GALC: variants seen among roughly 807,000 people sequenced by gnomAD.
GALC encodes galactocerebrosidase.
A neutral mutation model predicts 91.8 loss-of-function variants in GALC; 77 were observed. The ratio of observed to expected loss-of-function variants is 0.84; its 90% confidence interval spans 0.70 to 1.01. GALC has a LOEUF of 1.01. GALC is among the 50% of genes least tolerant of loss of function. GALC has a pLI of 0.00. For synonymous variants in GALC, 357 were observed against 306.7 expected (o/e 1.16, Z -1.71); for missense variants, 882 against 855.9 (o/e 1.03, Z -0.38).
At chr14:87,962,010 G>A (rs920129957) in intron 10 of GALC, among the ~76,000 whole-genome samples, 3 of 152,096 alleles carry the variant, frequency 2.0e-5, no homozygotes, top group Non-Finnish European at 4.4e-5. Context: ...CCTTCCCAGG[G>A]TCAGCTATTG....
chr14:87,961,998 T>A (rs1046118657), intron 10 of GALC, among the ~76,000 whole-genome samples: 3 of 152,206 alleles, frequency 2.0e-5, no homozygotes, highest in African/African-American at 7.2e-5. Flanking sequence ...TGTAGATCCC[T>A]TCCTTCCCAG....
Position 87,968,564 on chromosome 14 carries a change from G to A in GALC, c.753-74C>T, listed in dbSNP as rs180752455. 171 of 1,409,664 alleles carry A rather than the reference G, an allele frequency of 1.2e-4. No individual in the cohort carries two copies. In the African/African-American group the frequency reaches 2.0e-3, roughly 17 times the overall value. The allele number at this position is 1,409,664 out of a possible 1,614,324, so 87.3% of individuals were successfully genotyped here. Reference sequence around the variant, plus strand: ...ACTTATATACGTATAGATTTGTTGAGTATATAAAAATACGAGTCTTCTCCA... The same window carrying A: ...ACTTATATACGTATAGATTTGTTGAATATATAAAAATACGAGTCTTCTCCA... On this transcript the variant is annotated intron_variant, in intron 7 of 16. Transcript: ENST00000261304.
intron 6 of GALC, among the ~76,000 whole-genome samples, chr14:87,981,779 G>C (rs1325955087): frequency 1.3e-5 from 2 of 151,956 alleles, no homozygotes; most frequent in African/African-American, 4.8e-5. Flanking sequence ...TAATCACAAA[G>C]AGAAACATGT....
intron 12 of GALC, among the ~76,000 whole-genome samples, chr14:87,948,407 CTT>C (rs1885163142): frequency 6.6e-6 from 1 of 152,006 alleles, no homozygotes; most frequent in African/African-American, 2.4e-5. Context: ...AACTTAATCT[CTT>C]TAAGTCACAA....
At chr14:87,987,003 C>A (rs752484732) in intron 3 of GALC, 2 of 452,122 alleles carry the variant, frequency 4.4e-6, no homozygotes, top group South Asian at 3.2e-5. Flanking sequence ...GGATATGAAT[C>A]CCTGGACTCG....
chr14:87,934,912 T>TTTTC, intron 16 of GALC, 34 bp from the exon 17 acceptor site: 2 of 1,502,008 alleles, frequency 1.3e-6, no homozygotes, highest in Non-Finnish European at 1.9e-6. Flanking sequence ...CTTGAAACCA[T>TTTTC]ATGAAAATGG....
intron 5 of GALC, among the ~76,000 whole-genome samples, chr14:87,982,599 T>C (rs1405582357): frequency 2.0e-5 from 3 of 152,300 alleles, no homozygotes; most frequent in Middle Eastern, 3.4e-3. Context: ...ACAGGGAAAC[T>C]GTTACAACAA....
At position 87,973,023 on chromosome 14, in the gene GALC, T is replaced by C. The variant is rs1202139258; in HGVS notation, c.752+3335A>G. Reference sequence around the variant, plus strand: ...AAAATATTCTTTGGGCATAAAGGAATTGTGTCGTTACTTATAAGGAAAAGG... The same window carrying C: ...AAAATATTCTTTGGGCATAAAGGAACTGTGTCGTTACTTATAAGGAAAAGG... On this transcript the variant is annotated intron_variant, in intron 7 of 16. Transcript: ENST00000261304. Among the ~76,000 whole-genome samples the C allele has an allele frequency of 1.2e-4, 8 of 69,348 alleles. No homozygotes were observed. The Admixed American group carries it at 1.5e-3, about 13-fold the overall frequency. 45.5% of individuals were successfully genotyped at this position (69,348 alleles called of 152,430 possible).
intron 1 of GALC, among the ~76,000 whole-genome samples, chr14:87,990,683 C>A (rs923802144): frequency 7.2e-5 from 11 of 152,306 alleles, no homozygotes; most frequent in South Asian, 2.1e-4. Context: ...GCCCTCTATG[C>A]ACTCCCACAT....
At position 87,953,226 on chromosome 14, in the gene GALC, A is replaced by C; in HGVS notation, c.1162-2478T>G. The C allele has an allele frequency of 2.0e-6, 3 of 1,503,102 alleles. No individual in the cohort carries two copies. The South Asian group carries it at 3.4e-5, about 17-fold the overall frequency. 93.1% of individuals were successfully genotyped at this position (1,503,102 alleles called of 1,614,324 possible). On this transcript the variant is annotated intron_variant, in intron 10 of 16. Transcript: ENST00000261304. ...CAACTGATACGGAATTTCTCTGTAT[A>C]ATTACCTCCAGCCAGGTTGCTTTTT... is the stretch of plus-strand genomic sequence containing the variant.
intron 6 of GALC, 140 bp downstream of exon 6, chr14:87,982,065 C>T: frequency 2.0e-6 from 1 of 511,118 alleles, no homozygotes; most frequent in Non-Finnish European, 3.5e-6. Flanking sequence ...AATTTTATGT[C>T]ACAACCAGCA....
rs544656648 is a variant in GALC, at chr14:87,980,109, G to A, written c.621+2096C>T. ...TAAAATATGCCATTATTGGCTGGGC[G>A]CAGTGGCTCATGCCTGTAATCCCAG... On this transcript the variant is annotated intron_variant, in intron 6 of 16. Coordinates refer to ENST00000261304, the MANE Select transcript of GALC (RefSeq NM_000153.4). Among the ~76,000 whole-genome samples, 49 of 152,246 alleles carry A rather than the reference G, an allele frequency of 3.2e-4. No homozygotes were observed. The South Asian group carries it at 9.7e-3, about 30-fold the overall frequency.
At chr14:87,980,637 A>ATGACACCTCTCCCT in intron 6 of GALC, 1 of 229,352 alleles carries the variant, frequency 4.4e-6, no homozygotes, top group Non-Finnish European at 7.2e-6. Flanking sequence ...ACCCAGGGAG[A>ATGACACCTCTCCCT]GGTGTCATCT....
At chr14:87,989,959 T>G (rs1284995977) in intron 1 of GALC, among the ~76,000 whole-genome samples, 2 of 152,166 alleles carry the variant, frequency 1.3e-5, no homozygotes, top group Non-Finnish European at 2.9e-5. Flanking sequence ...AAACAACGTT[T>G]TCTATTCTTA....
rs1886312840 is a variant in GALC at position 87,972,044 on chromosome 14, G to A, written c.753-3554C>T. 2.6e-5 allele frequency among the ~76,000 whole-genome samples: 4 copies of A among 152,052 alleles called. No homozygotes were observed. In the South Asian group the frequency reaches 8.3e-4, roughly 32 times the overall value. On this transcript the variant is annotated intron_variant, in intron 7 of 16. Coordinates refer to ENST00000261304, the MANE Select transcript of GALC (RefSeq NM_000153.4). The stretch of plus-strand genomic sequence containing the variant: ...ACAGGCCAAGCACAACATGAATGAG[G>A]CAGGGAGGAATAGTCTTCCTATGAA...
intron 11 of GALC, 28 bp from the exon 12 acceptor site, chr14:87,949,959 C>A: frequency 1.8e-6 from 2 of 1,128,288 alleles, no homozygotes; most frequent in South Asian, 1.2e-5. Flanking sequence ...AAAAGCATGG[C>A]TGAGTAATTC....
Position 87,988,489 on chromosome 14 carries a change from G to A in GALC, c.230C>T (p.Pro77Leu). Residue 77 changes from proline to leucine, a missense_variant, in exon 2 of 17, where the codon CCC becomes CTC. Pro to Leu is a moderately conservative substitution (Grantham distance 98). Coordinates refer to ENST00000261304, the MANE Select transcript of GALC (RefSeq NM_000153.4). ...TSRLLVNYPE[P>L]YRSQILDYLF... ...ATAATCCAATATCTGAGAACGATAG[G>A]GCTCTGGGTAATTTACTAGAAGTCG... 1 of 1,612,032 alleles carries A rather than the reference G, an allele frequency of 6.2e-7. No homozygotes were observed. Among genetic ancestry groups the A allele is most frequent in the Non-Finnish European group, 8.5e-7 (1 of 1,178,258 alleles).
At chr14:87,961,940 G>A (rs1850252406) in intron 10 of GALC, among the ~76,000 whole-genome samples, 2 of 152,138 alleles carry the variant, frequency 1.3e-5, no homozygotes, top group African/African-American at 4.8e-5. Flanking sequence ...AAAAACATTC[G>A]TTTGGTTTGT....
At chr14:87,953,285 T>C in intron 10 of GALC, 1 of 1,487,844 alleles carries the variant, frequency 6.7e-7, no homozygotes, top group Non-Finnish European at 9.3e-7. Flanking sequence ...CGGAGTCCTA[T>C]AAATAAAGGG....
Sources: gnomAD v4.1 joint callset for allele counts (sites outside exome capture counted in the v4.1 genomes callset) on GRCh38, gnomAD v4.1.1 for gene constraint, MANE v1.5 for transcripts, NCBI Gene and HGNC (gene_info 2026-07-23, HGNC 2026-07-21) for gene names.